HDAC9: variants seen among roughly 807,000 people sequenced by gnomAD.
The protein encoded by HDAC9 is histone deacetylase 9.
In HDAC9, 41 loss-of-function variants were observed where a neutral mutation model predicts 139.4. The ratio of observed to expected loss-of-function variants is 0.29; its 90% CI spans 0.23 to 0.38. The LOEUF is 0.38. HDAC9 is among the 10% of genes least tolerant of loss of function. The probability of loss-of-function intolerance (pLI) is 1.00; values close to 1 mark genes in which losing one functional copy is unlikely to be tolerated. For missense variants in HDAC9, 1,147 were observed against 1,297.0 expected (o/e 0.88, Z 1.78); for synonymous variants, 517 against 476.2 (o/e 1.09, Z -1.12).
chr7:18,179,282 A>T (rs1200561495), intron 2 of HDAC9, among the ~76,000 whole-genome samples: 1 of 152,196 alleles, frequency 6.6e-6, no homozygotes, highest in African/African-American at 2.4e-5. Flanking sequence ...ATCCACTAAC[A>T]ATAATGCCAT....
chr7:18,973,810 T>C (rs1224013931), intron 24 of HDAC9, among the ~76,000 whole-genome samples: 1 of 152,230 alleles, frequency 6.6e-6, no homozygotes, highest in Non-Finnish European at 1.5e-5. Flanking sequence ...TTAGACATCA[T>C]GGTTTCCCAC....
At chr7:18,228,930 A>T (rs990644293) in intron 2 of HDAC9, among the ~76,000 whole-genome samples, 1 of 152,190 alleles carries the variant, frequency 6.6e-6, no homozygotes, top group Admixed American at 6.5e-5. Context: ...ATGTGTGCTG[A>T]GGTCAAAATC....
intron 8 of HDAC9, among the ~76,000 whole-genome samples, chr7:18,640,315 A>G (rs1395589453): frequency 1.5e-5 from 2 of 131,568 alleles, no homozygotes; most frequent in Non-Finnish European, 3.1e-5. Context: ...CCTTGATCGC[A>G]CCACTGCACT....
chr7:18,676,827 A>G (rs1033183330), intron 12 of HDAC9, among the ~76,000 whole-genome samples: 1 of 151,738 alleles, frequency 6.6e-6, no homozygotes, highest in South Asian at 2.1e-4. Context: ...AGCAGATAAT[A>G]TTTTCTTCCT....
Position 18,732,908 on chromosome 7 carries a change from C to CGTATGTGTATACACACGTGTGT in HDAC9, c.1909+5152_1909+5173dup, listed in dbSNP as rs1786399771. Among the ~76,000 whole-genome samples the CGTATGTGTATACACACGTGTGT allele has an allele frequency of 9.5e-5, 6 of 63,084 alleles. 2 individuals carry two copies. Among genetic ancestry groups the CGTATGTGTATACACACGTGTGT allele is most frequent in the African/African-American group, 5.8e-4 (6 of 10,340 alleles). 41.4% of individuals were successfully genotyped at this position (63,084 alleles called of 152,430 possible). On this transcript the variant is annotated intron_variant, in intron 13 of 25. Coordinates refer to ENST00000686413, the MANE Select transcript of HDAC9 (RefSeq NM_178425.4). Reference sequence around the variant, plus strand: ...GCGTATGTGTACACACACACGTGTGCGTATGTGTATACACACGTGTGTATG... The same window carrying CGTATGTGTATACACACGTGTGT: ...GCGTATGTGTACACACACACGTGTGCGTATGTGTATACACACGTGTGTGTATGTGTATACACACGTGTGTATG...
At chr7:18,326,677 G>A (rs1048073088) in intron 1 of HDAC9, among the ~76,000 whole-genome samples, 1 of 151,932 alleles carries the variant, frequency 6.6e-6, no homozygotes, top group Non-Finnish European at 1.5e-5. Flanking sequence ...AAATTATTGA[G>A]ATTTTTAAAA....
At chr7:18,725,223 A>G (rs1211380268) in intron 12 of HDAC9, among the ~76,000 whole-genome samples, 2 of 152,194 alleles carry the variant, frequency 1.3e-5, no homozygotes, top group African/African-American at 4.8e-5. Flanking sequence ...ATATATAATA[A>G]TGAATCCAAT....
intron 1 of HDAC9, among the ~76,000 whole-genome samples, chr7:18,471,451 A>G (rs1212130961): frequency 6.6e-6 from 1 of 152,188 alleles, no homozygotes; most frequent in Non-Finnish European, 1.5e-5. Flanking sequence ...GTGCTGTTTC[A>G]ACATTCATGG....
chr7:18,494,431 C>T (rs1796618850), upstream of HDAC9, among the ~76,000 whole-genome samples: 2 of 152,134 alleles, frequency 1.3e-5, no homozygotes, highest in Non-Finnish European at 2.9e-5. Context: ...CTGCTTTTTC[C>T]TCTCTTTCCC....
intron 6 of HDAC9, among the ~76,000 whole-genome samples, chr7:18,603,374 T>C (rs1834510330): frequency 6.6e-6 from 1 of 152,078 alleles, no homozygotes; most frequent in African/African-American, 2.4e-5. Flanking sequence ...TAAAAAAATA[T>C]TCACTTCTCT....
At chr7:18,241,791 T>C (rs302141) in intron 2 of HDAC9, among the ~76,000 whole-genome samples, 120,372 of 152,052 alleles carry the variant, frequency 0.79, 47,759 homozygotes, top group South Asian at 0.89. Context: ...TATGTATTAA[T>C]ATGCTGAAGA....
intron 17 of HDAC9, among the ~76,000 whole-genome samples, chr7:18,822,447 C>T (rs769106764): frequency 2.0e-5 from 3 of 152,110 alleles, no homozygotes; most frequent in African/African-American, 7.2e-5. Context: ...TGCCGCCTCC[C>T]GGGTTCAAGC....
At chr7:18,819,729 T>G (rs34790628) in intron 17 of HDAC9, among the ~76,000 whole-genome samples, 38,599 of 152,152 alleles carry the variant, frequency 0.25, 5,193 homozygotes, top group Non-Finnish European at 0.29. Flanking sequence ...TAATTGTCAC[T>G]TTTGGTGACA....
In HDAC9 at chr7:18,593,912, G is replaced by T. The variant is rs1831704506; in HGVS notation, c.547G>T (p.Ala183Ser). 6.2e-7 allele frequency: 1 copy of T among 1,612,584 alleles called. No homozygotes were observed. The highest frequency in any genetic ancestry group is 1.7e-5 in the Admixed American group (1 of 59,942). Reference protein sequence around the residue: ...SRHPKLWYTAAHHTSLDQSSP... With the variant: ...SRHPKLWYTASHHTSLDQSSP... ...AAACTTCCTTGTCTTTTCTAGGGCT[G>T]CCCACCACACATCATTGGATCAAAG... is the stretch of plus-strand genomic sequence containing the variant. Residue 183 changes from alanine (A) to serine (S), a missense_variant, in exon 6 of 26, where the codon GCC becomes TCC. This residue lies in a region of HDAC9 where 79 missense variants were observed against 65.8 expected (regional missense o/e 1.20). Coordinates refer to ENST00000686413, the MANE Select transcript of HDAC9 (RefSeq NM_178425.4).
intron 1 of HDAC9, among the ~76,000 whole-genome samples, chr7:18,315,377 T>C (rs1173376836): frequency 6.6e-6 from 1 of 152,138 alleles, no homozygotes; most frequent in Non-Finnish European, 1.5e-5. Flanking sequence ...CGTGGCTCAT[T>C]AGCTGCTCAA....
At chr7:18,238,169 G>T (rs1352241797) in intron 2 of HDAC9, among the ~76,000 whole-genome samples, 1 of 152,132 alleles carries the variant, frequency 6.6e-6, no homozygotes, top group Non-Finnish European at 1.5e-5. Flanking sequence ...ATAATGATAA[G>T]GAAATTAGAG....
At chr7:18,867,317 C>T (rs1178669758) in intron 21 of HDAC9, among the ~76,000 whole-genome samples, 3 of 152,184 alleles carry the variant, frequency 2.0e-5, no homozygotes, top group African/African-American at 7.2e-5. Flanking sequence ...TATTCTCCTA[C>T]GATGGCATAT....
chr7:18,789,271 C>T (rs1011190169), intron 16 of HDAC9, among the ~76,000 whole-genome samples: 5 of 142,136 alleles, frequency 3.5e-5, no homozygotes, highest in East Asian at 2.0e-4. Flanking sequence ...TTAATGCACA[C>T]GCAGACACAT....
chr7:18,783,595 A>G (rs1418471375), intron 16 of HDAC9, among the ~76,000 whole-genome samples: 1 of 151,928 alleles, frequency 6.6e-6, no homozygotes, highest in Non-Finnish European at 1.5e-5. Flanking sequence ...CTGCCCTGAG[A>G]AACCTCCTTG....
Sources: allele counts gnomAD v4.1 joint callset (sites outside exome capture counted in the v4.1 genomes callset), GRCh38; gene constraint gnomAD v4.1.1; regional missense constraint gnomAD v4.1.1; transcripts MANE v1.5; gene names NCBI Gene and HGNC (gene_info 2026-07-23, HGNC 2026-07-21).